The following SGCZ variants were observed in gnomAD, a reference collection of about 807,000 sequenced individuals.
SGCZ encodes sarcoglycan zeta.
Under a neutral mutation model 41.3 loss-of-function variants are expected in SGCZ, and 40 were observed. The observed-to-expected ratio is 0.97, with a 90% confidence interval of 0.75 to 1.26. The LOEUF is 1.26. SGCZ is among the 50% of genes most tolerant of loss of function. SGCZ has a pLI of 0.00. For missense variants in SGCZ, 552 were observed against 369.8 expected (o/e 1.49, Z -4.04); for synonymous variants, 206 against 137.5 (o/e 1.50, Z -3.49).
intron 1 of SGCZ, among the ~76,000 whole-genome samples, chr8:14,951,795 G>T (rs546031054): frequency 3.9e-5 from 6 of 151,936 alleles, no homozygotes; most frequent in Non-Finnish European, 7.4e-5. Flanking sequence ...CAGATCAATG[G>T]CATATTATTA....
chr8:14,500,356 AG>A (rs1802114997), intron 2 of SGCZ, among the ~76,000 whole-genome samples: 1 of 152,070 alleles, frequency 6.6e-6, no homozygotes, highest in African/African-American at 2.4e-5. Context: ...ATCTGAGAGC[AG>A]GATGGAAGCA....
intron 7 of SGCZ, among the ~76,000 whole-genome samples, chr8:14,097,678 G>A (rs1801887564): frequency 6.6e-6 from 1 of 152,146 alleles, no homozygotes; most frequent in African/African-American, 2.4e-5. Flanking sequence ...GACTAATATT[G>A]ACAGTGGGGT....
chr8:14,330,437 CT>C (rs564340527), intron 2 of SGCZ, among the ~76,000 whole-genome samples: 1 of 151,500 alleles, frequency 6.6e-6, no homozygotes, highest in Admixed American at 6.6e-5. Flanking sequence ...GCATAATTTT[CT>C]TTTTTTTGAC....
intron 1 of SGCZ, among the ~76,000 whole-genome samples, chr8:14,911,354 A>G (rs1345913746): frequency 6.6e-6 from 1 of 152,068 alleles, no homozygotes. Flanking sequence ...CGCAGACACC[A>G]ATGCCTATTT....
intron 1 of SGCZ, among the ~76,000 whole-genome samples, chr8:14,797,315 T>C (rs953006959): frequency 6.6e-6 from 1 of 151,928 alleles, no homozygotes; most frequent in East Asian, 2.0e-4. Context: ...GACAGTGATA[T>C]GGACAATGAA....
chr8:14,971,577 G>C (rs1801298113), intron 1 of SGCZ, among the ~76,000 whole-genome samples: 4 of 150,288 alleles, frequency 2.7e-5, no homozygotes. Flanking sequence ...TGGTTTGAAA[G>C]TGTTAAACCA....
At chr8:14,201,006 G>A (rs1401718778) in intron 4 of SGCZ, among the ~76,000 whole-genome samples, 1 of 152,014 alleles carries the variant, frequency 6.6e-6, no homozygotes, top group African/African-American at 2.4e-5. Flanking sequence ...TTAAAAGAAG[G>A]TATGCAGATG....
At chr8:14,240,468 T>C (rs1447163302) in intron 3 of SGCZ, among the ~76,000 whole-genome samples, 3 of 152,186 alleles carry the variant, frequency 2.0e-5, no homozygotes, top group Non-Finnish European at 4.4e-5. Context: ...CACTCTTCCC[T>C]TCTTTTCATA....
At chr8:15,032,725 C>G (rs761479183) in intron 1 of SGCZ, among the ~76,000 whole-genome samples, 1 of 152,124 alleles carries the variant, frequency 6.6e-6, no homozygotes, top group Non-Finnish European at 1.5e-5. Flanking sequence ...CCTGAACTAC[C>G]CTTGGCACTA....
At chr8:14,918,061 G>C (rs1585377836) in intron 1 of SGCZ, among the ~76,000 whole-genome samples, 2 of 152,088 alleles carry the variant, frequency 1.3e-5, no homozygotes, top group African/African-American at 4.8e-5. Context: ...GCAAAGCCAA[G>C]ACTTCTGTTA....
intron 2 of SGCZ, among the ~76,000 whole-genome samples, chr8:14,402,652 C>G (rs1321442005): frequency 7.0e-6 from 1 of 142,806 alleles, no homozygotes; most frequent in Non-Finnish European, 1.5e-5. Context: ...ATCTATATCT[C>G]TGTTTTGGTA....
At chr8:14,539,135 C>T (rs1049180470) in intron 2 of SGCZ, among the ~76,000 whole-genome samples, 1 of 151,988 alleles carries the variant, frequency 6.6e-6, no homozygotes, top group Non-Finnish European at 1.5e-5. Context: ...CTGACTTCCC[C>T]AGAGGAAGAT....
chr8:15,007,952 A>G (rs546381450), intron 1 of SGCZ, among the ~76,000 whole-genome samples: 7 of 152,278 alleles, frequency 4.6e-5, no homozygotes, highest in African/African-American at 9.6e-5. Context: ...TTTTTAATCT[A>G]TTCAGCATTT....
At chr8:14,408,564 C>T (rs978199913) in intron 2 of SGCZ, among the ~76,000 whole-genome samples, 1 of 152,104 alleles carries the variant, frequency 6.6e-6, no homozygotes, top group African/African-American at 2.4e-5. Context: ...AATTCTTTTC[C>T]ACAGTGGCTA....
chr8:14,951,032 C>G (rs1221541098), intron 1 of SGCZ, among the ~76,000 whole-genome samples: 1 of 151,928 alleles, frequency 6.6e-6, no homozygotes, highest in Non-Finnish European at 1.5e-5. Flanking sequence ...CTGTTAGCAT[C>G]AACAGTGTGG....
chr8:14,221,219 G>A (rs1806184096), intron 4 of SGCZ, among the ~76,000 whole-genome samples: 1 of 152,220 alleles, frequency 6.6e-6, no homozygotes, highest in African/African-American at 2.4e-5. Context: ...AACCAGGAGA[G>A]GGAGATTTGG....
intron 1 of SGCZ, among the ~76,000 whole-genome samples, chr8:14,955,632 C>T (rs1292221144): frequency 6.6e-6 from 1 of 152,146 alleles, no homozygotes; most frequent in Non-Finnish European, 1.5e-5. Flanking sequence ...TTTCACTTTC[C>T]TAGTTACTAA....
chr8:14,475,540 G>A (rs779973324), intron 2 of SGCZ, among the ~76,000 whole-genome samples: 1 of 152,054 alleles, frequency 6.6e-6, no homozygotes, highest in East Asian at 1.9e-4. Context: ...AATTTTCATT[G>A]TTGGCTCACA....
At chr8:14,222,099 A>G (rs1036339997) in intron 4 of SGCZ, among the ~76,000 whole-genome samples, 1 of 152,164 alleles carries the variant, frequency 6.6e-6, no homozygotes, top group East Asian at 1.9e-4. Flanking sequence ...AGAATCTCCA[A>G]TGAGATGGTA....
Sources: gnomAD v4.1 joint callset for allele counts (sites outside exome capture counted in the v4.1 genomes callset) on GRCh38, gnomAD v4.1.1 for gene constraint, MANE v1.5 for transcripts, NCBI Gene and HGNC (gene_info 2026-07-23, HGNC 2026-07-21) for gene names.